The following ZDHHC21 variants were observed in gnomAD, a reference collection of about 807,000 sequenced individuals.
ZDHHC21 encodes zDHHC palmitoyltransferase 21.
In ZDHHC21, 15 loss-of-function variants were observed where a neutral mutation model predicts 34.6. The ratio of observed to expected loss-of-function variants is 0.43; its 90% CI spans 0.29 to 0.67. The LOEUF is 0.67. Ranked by LOEUF, ZDHHC21 falls within the 30% of genes least tolerant of loss-of-function variation. The pLI, the probability that ZDHHC21 is intolerant of heterozygous loss-of-function variation, is 0.14. For synonymous variants in ZDHHC21, 142 were observed against 101.8 expected (o/e 1.40, Z -2.38); for missense variants, 344 against 327.7 (o/e 1.05, Z -0.38).
intron 9 of ZDHHC21, 98 bp from the exon 10 acceptor site, chr9:14,619,196 C>G (rs766525312): frequency 2.8e-5 from 37 of 1,300,558 alleles, no homozygotes; most frequent in Non-Finnish European, 3.4e-5. Context: ...TTACTGGACT[C>G]TGATGAATTG....
chr9:14,618,792 T>C lies in ZDHHC21; in HGVS notation c.*174A>G, dbSNP rs951229570. The C allele has an allele frequency of 5.4e-6, 3 of 551,382 alleles. No homozygotes were observed. Among genetic ancestry groups the C allele is most frequent in the Non-Finnish European group, 8.3e-6 (3 of 360,326 alleles). The allele number at this position is 551,382 out of a possible 1,614,324, so 34.2% of individuals were successfully genotyped here. A position where few individuals can be genotyped will look rare whatever the true frequency, so the allele number is the denominator to read the frequency against. ...TTAAAACTTAAATATAGATCTTGTATTAGTCCCACAACAGGATCAAGATCA... is the reference window on the plus strand; with the variant it reads ...TTAAAACTTAAATATAGATCTTGTACTAGTCCCACAACAGGATCAAGATCA... On this transcript the variant is annotated 3_prime_UTR_variant, in exon 10 of 10. Coordinates refer to ENST00000380916, the MANE Select transcript of ZDHHC21 (RefSeq NM_178566.6).
rs530063713 is a variant in ZDHHC21, at chr9:14,650,270, A to T, written c.504+8479T>A. 8.5e-5 allele frequency among the ~76,000 whole-genome samples: 13 copies of T among 152,112 alleles called. No homozygotes were observed. In the South Asian group the frequency reaches 1.9e-3, roughly 22 times the overall value. On this transcript the variant is annotated intron_variant, in intron 7 of 9. Coordinates refer to ENST00000380916, the MANE Select transcript of ZDHHC21 (RefSeq NM_178566.6). ...ATTATTCTTTTCAAGCAAAAAAAAT[A>T]AAAAATGTTACTAAGGAATATCTCT...
In ZDHHC21 at chr9:14,614,259, G is replaced by C. The variant is rs992147946; in HGVS notation, c.*4707C>G. 2 of 150,954 alleles carry C rather than the reference G, an allele frequency of 1.3e-5. No individual in the cohort carries two copies. Among genetic ancestry groups the C allele is most frequent in the East Asian group, 2.0e-4 (1 of 5,106 alleles). The allele number at this position is 150,954 out of a possible 1,614,324, so 9.4% of individuals were successfully genotyped here. ...ACAAGGCAAAAAGAACATAATAATA[G>C]TAAAAAATATAATGATAATGGAAAG... On this transcript the variant is annotated 3_prime_UTR_variant, in exon 10 of 10. Coordinates refer to ENST00000380916, the MANE Select transcript of ZDHHC21 (RefSeq NM_178566.6).
rs533337578 is a variant in ZDHHC21 at position 14,670,581 on chromosome 9, C to T, written c.253+2249G>A. On this transcript the variant is annotated intron_variant, in intron 5 of 9. Transcript: ENST00000380916. Reference sequence around the variant, plus strand: ...CCCATAAAGCTGAAAATATTTACTACGGGCCTTTATAGTAAAGAAGAATTT... The same window carrying T: ...CCCATAAAGCTGAAAATATTTACTATGGGCCTTTATAGTAAAGAAGAATTT... 3.0e-4 allele frequency among the ~76,000 whole-genome samples: 45 copies of T among 152,006 alleles called. No individual in the cohort carries two copies. The South Asian group carries it at 8.1e-3, about 27-fold the overall frequency.
In ZDHHC21 at chr9:14,613,728, A is replaced by T. The variant is rs1242915274; in HGVS notation, c.*5238T>A. ...AAAATATCCCAAATGTTAAAGTGAA[A>T]GCCACCCTTATATATTGTTTATTTT... On this transcript the variant is annotated 3_prime_UTR_variant, in exon 10 of 10. Transcript: ENST00000380916. 1 of 151,784 alleles carries T rather than the reference A, an allele frequency of 6.6e-6. No individual in the cohort carries two copies. The highest frequency in any genetic ancestry group is 1.5e-5 in the Non-Finnish European group (1 of 67,758). The allele number at this position is 151,784 out of a possible 1,614,324, so 9.4% of individuals were successfully genotyped here.
chr9:14,604,127 T>G, the ZDHHC21 span, among the ~76,000 whole-genome samples: 1 of 152,148 alleles, frequency 6.6e-6, no homozygotes, highest in Non-Finnish European at 1.5e-5. Context: ...AGTGAGGATG[T>G]GGGGGAAGAT....
chr9:14,635,096 T>C (rs1586981940), intron 8 of ZDHHC21, among the ~76,000 whole-genome samples: 1 of 152,140 alleles, frequency 6.6e-6, no homozygotes, highest in South Asian at 2.1e-4. Flanking sequence ...ATTTCATTAC[T>C]TGAAGACAGG....
intron 7 of ZDHHC21, among the ~76,000 whole-genome samples, chr9:14,653,911 T>C (rs1417456662): frequency 6.6e-6 from 1 of 151,980 alleles, no homozygotes; most frequent in African/African-American, 2.4e-5. Flanking sequence ...AATTAATAAA[T>C]ACACAGCTGT....
chr9:14,600,800 G>A, the ZDHHC21 span, among the ~76,000 whole-genome samples: 2 of 152,154 alleles, frequency 1.3e-5, no homozygotes, highest in African/African-American at 4.8e-5. Flanking sequence ...TATGAAAACA[G>A]ATATATAGAC....
chr9:14,665,980 T>A (rs1834359762), intron 5 of ZDHHC21, among the ~76,000 whole-genome samples: 1 of 148,306 alleles, frequency 6.7e-6, no homozygotes, highest in East Asian at 2.0e-4. Flanking sequence ...AATGACAGGA[T>A]CAAATTCACA....
At chr9:14,604,893 C>T in the ZDHHC21 span, among the ~76,000 whole-genome samples, 1 of 152,192 alleles carries the variant, frequency 6.6e-6, no homozygotes, top group South Asian at 2.1e-4. Flanking sequence ...CTCCCCACAG[C>T]AGCCACCATT....
rs1835741768 is a variant in ZDHHC21 at position 14,672,933 on chromosome 9, AAAAT to A, written c.155-9_155-6del. On this transcript the variant is annotated splice_region_variant and splice_polypyrimidine_tract_variant and intron_variant, in intron 4 of 9. Coordinates refer to ENST00000380916, the MANE Select transcript of ZDHHC21 (RefSeq NM_178566.6). Reference sequence around the variant, plus strand: ...ATATGGAAATGCCATAGAATACTTTAAAATAAATAAATTAAATAAATTAGTCACT... The same window carrying A: ...ATATGGAAATGCCATAGAATACTTTAAAATAAATTAAATAAATTAGTCACT... The A allele has an allele frequency of 6.6e-7, 1 of 1,524,536 alleles. No homozygotes were observed. The highest frequency in any genetic ancestry group is 8.9e-7 in the Non-Finnish European group (1 of 1,120,126). 94.4% of individuals were successfully genotyped at this position (1,524,536 alleles called of 1,614,324 possible). A position where few individuals can be genotyped will look rare whatever the true frequency, so the allele number is the denominator to read the frequency against.
chr9:14,676,105 C>A (rs1587401778), intron 3 of ZDHHC21, among the ~76,000 whole-genome samples: 1 of 151,914 alleles, frequency 6.6e-6, no homozygotes, highest in African/African-American at 2.4e-5. Flanking sequence ...GAAATGTGTA[C>A]CGTGAATAAA....
chr9:14,630,419 A>C (rs1435006096), intron 8 of ZDHHC21, among the ~76,000 whole-genome samples: 1 of 152,194 alleles, frequency 6.6e-6, no homozygotes, highest in Non-Finnish European at 1.5e-5. Context: ...TATTTCTAGC[A>C]CATCTTTAGT....
the ZDHHC21 span, chr9:14,589,023 C>T: frequency 2.3e-5 from 2 of 86,102 alleles, no homozygotes; most frequent in Non-Finnish European, 4.6e-5. Flanking sequence ...GCAGGTAATA[C>T]AATAAAAATA....
chr9:14,648,727 G>C (rs1478818498), intron 7 of ZDHHC21, among the ~76,000 whole-genome samples: 1 of 151,978 alleles, frequency 6.6e-6, no homozygotes, highest in Non-Finnish European at 1.5e-5. Context: ...CCTAGACGAA[G>C]GGGAAGTGAA....
At chr9:14,672,087 T>A (rs1417905228) in intron 5 of ZDHHC21, among the ~76,000 whole-genome samples, 1 of 152,134 alleles carries the variant, frequency 6.6e-6, no homozygotes, top group Non-Finnish European at 1.5e-5. Flanking sequence ...GTGGGTCACA[T>A]ATATACTGAA....
chr9:14,671,603 AT>A (rs201927943), intron 5 of ZDHHC21, among the ~76,000 whole-genome samples: 1 of 151,834 alleles, frequency 6.6e-6, no homozygotes, highest in African/African-American at 2.4e-5. Flanking sequence ...AACAGGACGC[AT>A]TTTTTTTAAC....
chr9:14,599,360 T>C, the ZDHHC21 span, among the ~76,000 whole-genome samples: 2 of 152,132 alleles, frequency 1.3e-5, no homozygotes, highest in Non-Finnish European at 2.9e-5. Context: ...GAACTCCCTC[T>C]CTTAGCTAAG....
Sources: allele counts gnomAD v4.1 joint callset (sites outside exome capture counted in the v4.1 genomes callset), GRCh38; gene constraint gnomAD v4.1.1; transcripts MANE v1.5; gene names NCBI Gene and HGNC (gene_info 2026-07-23, HGNC 2026-07-21).